The following PIAS1 variants were observed in gnomAD, a reference collection of about 807,000 sequenced individuals.
The protein encoded by PIAS1 is protein inhibitor of activated STAT 1.
Under a neutral mutation model 71.3 loss-of-function variants are expected in PIAS1, and 6 were observed. The observed-to-expected ratio is 0.08, with a 90% CI of 0.05 to 0.17. The LOEUF is 0.17. PIAS1 is among the 10% of genes least tolerant of loss of function. The probability of loss-of-function intolerance (pLI) is 1.00; values close to 1 mark genes in which losing one functional copy is unlikely to be tolerated. For synonymous variants in PIAS1, 303 were observed against 292.9 expected, an observed-to-expected ratio of 1.03 and a Z score of -0.35; for missense variants, 555 against 793.6, an observed-to-expected ratio of 0.70 and a Z score of 3.61.
intron 1 of PIAS1, among the ~76,000 whole-genome samples, chr15:68,061,099 C>T (rs1347349811): frequency 6.6e-6 from 1 of 152,236 alleles, no homozygotes; most frequent in Non-Finnish European, 1.5e-5. Context: ...GCTATTTGTG[C>T]AACATCTGAA....
chr15:68,067,683 T>C (rs1211815623), intron 1 of PIAS1, among the ~76,000 whole-genome samples: 1 of 152,160 alleles, frequency 6.6e-6, no homozygotes, highest in Admixed American at 6.5e-5. Context: ...ATCGTGTTAT[T>C]TTCTAAGAGA....
At chr15:68,123,174 C>A (rs1301214957) in intron 2 of PIAS1, among the ~76,000 whole-genome samples, 1 of 152,136 alleles carries the variant, frequency 6.6e-6, no homozygotes, top group Non-Finnish European at 1.5e-5. Flanking sequence ...GCCTTATCCT[C>A]CCAAGTAGCT....
At chr15:68,137,232 A>T (rs2092740046) in intron 2 of PIAS1, among the ~76,000 whole-genome samples, 1 of 152,256 alleles carries the variant, frequency 6.6e-6, no homozygotes, top group African/African-American at 2.4e-5. Context: ...TTAAGCCCAA[A>T]GATATCCACA....
In PIAS1 at chr15:68,192,986, A is replaced by G. The variant is rs2093127206; in HGVS notation, c.*5151A>G. On this transcript the variant is annotated 3_prime_UTR_variant, in exon 14 of 14. Coordinates refer to ENST00000249636, the MANE Select transcript of PIAS1 (RefSeq NM_016166.3). ...CCAACCTGGCACCTTCTAGCTGTGTAACTCACTCAAAGCCACTCCAGCTGG... is the reference window on the plus strand; with the variant it reads ...CCAACCTGGCACCTTCTAGCTGTGTGACTCACTCAAAGCCACTCCAGCTGG... The G allele has an allele frequency of 6.6e-6, 1 of 152,264 alleles. No homozygotes were observed. The highest frequency in any genetic ancestry group is 2.1e-4 in the South Asian group (1 of 4,824). 9.4% of individuals were successfully genotyped at this position (152,264 alleles called of 1,614,324 possible).
chr15:68,106,351 C>CAAAAAAAAAAAAAA (rs11313083), intron 2 of PIAS1, among the ~76,000 whole-genome samples: 2 of 92,854 alleles, frequency 2.2e-5, no homozygotes, highest in African/African-American at 7.9e-5. Flanking sequence ...ATGACCTTTG[C>CAAAAAAAAAAAAAA]AAAAAAAAAA....
At chr15:68,077,228 C>T (rs764432675) in intron 1 of PIAS1, among the ~76,000 whole-genome samples, 8 of 152,068 alleles carry the variant, frequency 5.3e-5, no homozygotes, top group South Asian at 2.1e-4. Context: ...AAACCTAAAA[C>T]GTGAATGACT....
intron 2 of PIAS1, among the ~76,000 whole-genome samples, chr15:68,109,260 AC>A (rs1462629225): frequency 2.0e-5 from 3 of 152,114 alleles, no homozygotes; most frequent in Admixed American, 6.5e-5. Context: ...TGAGACACCT[AC>A]CCTGACTACC....
At chr15:68,148,369 G>A (rs1683515197) in intron 6 of PIAS1, among the ~76,000 whole-genome samples, 1 of 152,174 alleles carries the variant, frequency 6.6e-6, no homozygotes, top group African/African-American at 2.4e-5. Context: ...TGTGGCTAGA[G>A]GGGTAAGATA....
intron 4 of PIAS1, among the ~76,000 whole-genome samples, chr15:68,145,119 T>C (rs2092799444): frequency 1.3e-5 from 2 of 152,218 alleles, no homozygotes; most frequent in South Asian, 4.1e-4. Context: ...TGAGAATTTA[T>C]GAATTATGTA....
chr15:68,100,903 T>G (rs1043444238), intron 2 of PIAS1, among the ~76,000 whole-genome samples: 7 of 149,318 alleles, frequency 4.7e-5, no homozygotes, highest in Non-Finnish European at 8.9e-5. Flanking sequence ...TTGTTTTGTT[T>G]TTTTTTTTTT....
intron 10 of PIAS1, among the ~76,000 whole-genome samples, 166 bp from the exon 11 acceptor site, chr15:68,176,304 TATTA>T (rs1385472501): frequency 1.3e-5 from 2 of 152,194 alleles, no homozygotes; most frequent in African/African-American, 4.8e-5. Context: ...AATTTACTAT[TATTA>T]AATAATAGTT....
chr15:68,104,344 C>A (rs1489599), intron 2 of PIAS1, among the ~76,000 whole-genome samples: 5 of 151,834 alleles, frequency 3.3e-5, no homozygotes, highest in Non-Finnish European at 5.9e-5. Flanking sequence ...CTTTTATTTT[C>A]TAATGGTTTG....
chr15:68,104,856 G>A (rs1280172628), intron 2 of PIAS1, among the ~76,000 whole-genome samples: 1 of 152,098 alleles, frequency 6.6e-6, no homozygotes, highest in Non-Finnish European at 1.5e-5. Context: ...GACAGAAGAA[G>A]CATTTTCCCA....
intron 2 of PIAS1, among the ~76,000 whole-genome samples, chr15:68,088,501 C>T (rs2092306369): frequency 6.6e-6 from 1 of 151,844 alleles, no homozygotes; most frequent in South Asian, 2.1e-4. Context: ...GGTATGTATT[C>T]ACAGAAAGTC....
At chr15:68,166,351 A>AT (rs955309154) in intron 8 of PIAS1, among the ~76,000 whole-genome samples, 67 of 146,228 alleles carry the variant, frequency 4.6e-4, no homozygotes, top group South Asian at 1.3e-3. Flanking sequence ...TTGTTTTTTT[A>AT]TTTTTTTTTT....
At chr15:68,138,843 G>A (rs996650312) in intron 2 of PIAS1, among the ~76,000 whole-genome samples, 1 of 152,166 alleles carries the variant, frequency 6.6e-6, no homozygotes, top group South Asian at 2.1e-4. Context: ...TGGACAGTGA[G>A]TAATTCTGAA....
intron 2 of PIAS1, among the ~76,000 whole-genome samples, chr15:68,138,631 CA>C (rs1217856189): frequency 6.6e-6 from 1 of 152,130 alleles, no homozygotes; most frequent in Non-Finnish European, 1.5e-5. Context: ...CATGCCACCA[CA>C]CCTGGCTAAT....
At chr15:68,156,294 G>C (rs535561944) in intron 7 of PIAS1, among the ~76,000 whole-genome samples, 1 of 152,200 alleles carries the variant, frequency 6.6e-6, no homozygotes, top group African/African-American at 2.4e-5. Context: ...ATAGGGGAAC[G>C]TAGTCCTCTC....
chr15:68,137,686 A>C (rs1188227330), intron 2 of PIAS1, among the ~76,000 whole-genome samples: 2 of 152,184 alleles, frequency 1.3e-5, no homozygotes, highest in African/African-American at 2.4e-5. Context: ...AATTACTCTG[A>C]ACCTCAATTT....
Sources: allele counts gnomAD v4.1 joint callset (sites outside exome capture counted in the v4.1 genomes callset), GRCh38; gene constraint gnomAD v4.1.1; transcripts MANE v1.5; gene names NCBI Gene and HGNC (gene_info 2026-07-23, HGNC 2026-07-21).